The following NEK7 variants were observed in gnomAD, a reference collection of about 807,000 sequenced individuals.
The protein encoded by NEK7 is serine/threonine-protein kinase Nek7.
In NEK7, 18 loss-of-function variants were observed where a neutral mutation model predicts 44.6. That is an observed-to-expected ratio of 0.40 (90% CI 0.28 to 0.60). The LOEUF is 0.60. Among genes scored for constraint, NEK7 ranks in the 20% least tolerant of loss-of-function variants. NEK7 has a pLI of 0.38. For synonymous variants in NEK7, 130 were observed against 121.1 expected, an observed-to-expected ratio of 1.07 and a Z score of -0.48; for missense variants, 256 against 366.5, an observed-to-expected ratio of 0.70 and a Z score of 2.46.
chr1:198,204,918 T>A (rs1213832323), intron 1 of NEK7, among the ~76,000 whole-genome samples: 4 of 152,116 alleles, frequency 2.6e-5, no homozygotes, highest in Non-Finnish European at 5.9e-5. Flanking sequence ...GGAGGGATGT[T>A]TGTGCTCCCT....
chr1:198,203,964 A>G (rs1665513002), intron 1 of NEK7, among the ~76,000 whole-genome samples: 1 of 152,206 alleles, frequency 6.6e-6, no homozygotes, highest in Admixed American at 6.5e-5. Flanking sequence ...GGAAAACTTT[A>G]GAGATGAGAG....
At chr1:198,194,491 A>G (rs1387976190) in intron 1 of NEK7, among the ~76,000 whole-genome samples, 3 of 151,154 alleles carry the variant, frequency 2.0e-5, no homozygotes, top group East Asian at 1.9e-4. Flanking sequence ...GTTTCTCTCT[A>G]TGTGTCTGTT....
At chr1:198,236,484 G>T (rs1036628618) in intron 2 of NEK7, among the ~76,000 whole-genome samples, 1 of 152,078 alleles carries the variant, frequency 6.6e-6, no homozygotes, top group Non-Finnish European at 1.5e-5. Flanking sequence ...CATCCTTAGC[G>T]CATCCACTCC....
chr1:198,258,669 C>A (rs774768860), intron 3 of NEK7, among the ~76,000 whole-genome samples: 48 of 151,934 alleles, frequency 3.2e-4, no homozygotes, highest in Non-Finnish European at 5.6e-4. Flanking sequence ...CAAAAGAAAA[C>A]CTTTAAAATG....
intron 7 of NEK7, among the ~76,000 whole-genome samples, chr1:198,289,132 TGTG>T (rs1654468008): frequency 9.1e-4 from 2 of 2,202 alleles, no homozygotes; most frequent in South Asian, 0.04. Context: ...TCCCTGAAGT[TGTG>T]TGTGTGTGTG....
chr1:198,218,955 T>C (rs1666006361), intron 1 of NEK7, among the ~76,000 whole-genome samples: 1 of 151,946 alleles, frequency 6.6e-6, no homozygotes, highest in Admixed American at 6.6e-5. Flanking sequence ...TACACACTGC[T>C]GGTGGGAATG....
intron 1 of NEK7, among the ~76,000 whole-genome samples, chr1:198,182,668 G>C (rs1231139734): frequency 6.6e-6 from 1 of 152,038 alleles, no homozygotes; most frequent in Admixed American, 6.6e-5. Context: ...CAAACTCTTT[G>C]TTCTTTGTTT....
At chr1:198,287,254 G>A (rs538944078) in intron 7 of NEK7, among the ~76,000 whole-genome samples, 19 of 152,138 alleles carry the variant, frequency 1.2e-4, no homozygotes, top group Admixed American at 2.6e-4. Context: ...GGCCGAAGCG[G>A]GTGGATCACG....
At position 198,172,159 on chromosome 1, in the gene NEK7, G is replaced by T. The variant is rs150219752; in HGVS notation, c.-29+14883G>T. On this transcript the variant is annotated intron_variant, in intron 1 of 9. Transcript: ENST00000367385. ...TGAGCTGGAGAAGATAAAGAGACAG[G>T]AGTCTAGGTTAGCCCACAGTGTTTT... 4.4e-4 allele frequency among the ~76,000 whole-genome samples: 67 copies of T among 152,258 alleles called. 1 individual carries two copies. The East Asian group carries it at 0.012, about 26-fold the overall frequency.
At chr1:198,191,957 G>C (rs1665089862) in intron 1 of NEK7, among the ~76,000 whole-genome samples, 1 of 151,990 alleles carries the variant, frequency 6.6e-6, no homozygotes, top group Non-Finnish European at 1.5e-5. Context: ...TAGTTCCAAT[G>C]TTCTCCCTGT....
intron 9 of NEK7, among the ~76,000 whole-genome samples, chr1:198,297,830 G>A (rs371827340): frequency 3.9e-5 from 6 of 152,248 alleles, no homozygotes; most frequent in Admixed American, 2.6e-4. Flanking sequence ...TATCATTGTA[G>A]ACATGTTTAA....
chr1:198,319,560 A>G lies in NEK7; in HGVS notation c.*38A>G. On this transcript the variant is annotated 3_prime_UTR_variant, in exon 10 of 10. Coordinates refer to ENST00000367385, the MANE Select transcript of NEK7 (RefSeq NM_133494.3). ...ATGAAGAGTGTAACCAAAGTAATTG[A>G]AAGTATTTTGTGCAAGTCATACCTC... 1.3e-6 allele frequency: 2 copies of G among 1,566,714 alleles called. No homozygotes were observed. Among genetic ancestry groups the G allele is most frequent in the Non-Finnish European group, 1.7e-6 (2 of 1,156,014 alleles).
chr1:198,258,974 AC>A (rs1469872714), intron 3 of NEK7, among the ~76,000 whole-genome samples: 2 of 152,062 alleles, frequency 1.3e-5, no homozygotes, highest in African/African-American at 4.8e-5. Flanking sequence ...TTTTGTCTTG[AC>A]TTGTTGGCTG....
intron 1 of NEK7, among the ~76,000 whole-genome samples, chr1:198,224,686 A>G (rs149087668): frequency 8.1e-4 from 123 of 152,116 alleles, no homozygotes; most frequent in Non-Finnish European, 1.5e-3. Context: ...TGTTATTGGT[A>G]AATAAATTAG....
intron 7 of NEK7, among the ~76,000 whole-genome samples, chr1:198,292,178 A>C (rs1654579129): frequency 6.6e-6 from 1 of 152,086 alleles, no homozygotes; most frequent in Non-Finnish European, 1.5e-5. Flanking sequence ...TTACACTTCA[A>C]AGTGTAACAT....
chr1:198,178,981 C>T (rs72749497), intron 1 of NEK7, among the ~76,000 whole-genome samples: 26,862 of 150,302 alleles, frequency 0.18, 2,651 homozygotes, highest in African/African-American at 0.24. Flanking sequence ...GCATTTGATA[C>T]CATTTGATAC....
At chr1:198,203,205 T>C (rs1313480900) in intron 1 of NEK7, among the ~76,000 whole-genome samples, 1 of 152,200 alleles carries the variant, frequency 6.6e-6, no homozygotes, top group African/African-American at 2.4e-5. Flanking sequence ...GAGTGTCACA[T>C]TAGTTACAGT....
intron 1 of NEK7, among the ~76,000 whole-genome samples, chr1:198,170,989 T>C (rs1036342556): frequency 6.6e-6 from 1 of 152,196 alleles, no homozygotes; most frequent in African/African-American, 2.4e-5. Context: ...GGTCTCAAAC[T>C]CTTGGCCTCA....
chr1:198,207,473 T>C (rs1488315239), intron 1 of NEK7, among the ~76,000 whole-genome samples: 1 of 152,242 alleles, frequency 6.6e-6, no homozygotes, highest in African/African-American at 2.4e-5. Flanking sequence ...CAGACCCCCC[T>C]CAGTTGGAGA....
Sources: allele counts gnomAD v4.1 joint callset (sites outside exome capture counted in the v4.1 genomes callset), GRCh38; gene constraint gnomAD v4.1.1; transcripts MANE v1.5; gene names NCBI Gene and HGNC (gene_info 2026-07-23, HGNC 2026-07-21).